The following XKR4 variants were observed in gnomAD, a reference collection of about 807,000 sequenced individuals.
The protein encoded by XKR4 is XK-related protein 4.
Under a neutral mutation model 53.9 loss-of-function variants are expected in XKR4, and 12 were observed. That is an observed-to-expected ratio of 0.22 (90% CI 0.14 to 0.36). The LOEUF is 0.36. Ranked by LOEUF, XKR4 falls within the 10% of genes least tolerant of loss-of-function variation. XKR4 has a pLI of 1.00. For missense variants in XKR4, 799 were observed against 859.5 expected (o/e 0.93, Z 0.88); for synonymous variants, 354 against 362.4 (o/e 0.98, Z 0.26).
At chr8:55,260,602 T>C (rs980492570) in intron 1 of XKR4, among the ~76,000 whole-genome samples, 1 of 152,154 alleles carries the variant, frequency 6.6e-6, no homozygotes, top group Non-Finnish European at 1.5e-5. Context: ...GAGAGGGGCC[T>C]GCAAGTGGGT....
intron 1 of XKR4, among the ~76,000 whole-genome samples, chr8:55,271,967 G>A (rs1271022081): frequency 6.6e-6 from 1 of 152,156 alleles, no homozygotes; most frequent in Non-Finnish European, 1.5e-5. Flanking sequence ...TCAAAATTCT[G>A]TTTTTTATAT....
intron 2 of XKR4, among the ~76,000 whole-genome samples, chr8:55,371,733 A>G (rs1804072483): frequency 6.6e-6 from 1 of 152,210 alleles, no homozygotes; most frequent in South Asian, 2.1e-4. Flanking sequence ...TTTATTTCAC[A>G]TTCAGTAGTC....
intron 2 of XKR4, among the ~76,000 whole-genome samples, chr8:55,508,701 C>A (rs1322658028): frequency 6.6e-6 from 1 of 152,248 alleles, no homozygotes; most frequent in Non-Finnish European, 1.5e-5. Flanking sequence ...TGAGCATTCC[C>A]AGGGGCTAGT....
chr8:55,166,504 G>A (rs1052754929), intron 1 of XKR4, among the ~76,000 whole-genome samples: 1 of 152,214 alleles, frequency 6.6e-6, no homozygotes, highest in Non-Finnish European at 1.5e-5. Flanking sequence ...ATAGACAAAA[G>A]TGTCTGCCTT....
chr8:55,527,637 A>G lies in XKR4; in HGVS notation c.*3410A>G, dbSNP rs1186263400. The G allele has an allele frequency of 6.6e-6, 1 of 152,192 alleles. No homozygotes were observed. Among genetic ancestry groups the G allele is most frequent in the East Asian group, 1.9e-4 (1 of 5,202 alleles). The allele number at this position is 152,192 out of a possible 1,614,324, so 9.4% of individuals were successfully genotyped here. On this transcript the variant is annotated 3_prime_UTR_variant, in exon 3 of 3. Transcript: ENST00000327381. ...TCCTTTAAATCCTCTTTGCTTATTT[A>G]CTTAACTACATACTGTCTAGTTCAA...
chr8:55,189,860 A>G (rs1457073425), intron 1 of XKR4, among the ~76,000 whole-genome samples: 1 of 152,198 alleles, frequency 6.6e-6, no homozygotes, highest in African/African-American at 2.4e-5. Context: ...AGGGAATTAG[A>G]AAGAGGTGTT....
intron 2 of XKR4, among the ~76,000 whole-genome samples, chr8:55,468,986 G>A (rs1481298239): frequency 1.3e-5 from 2 of 151,900 alleles, no homozygotes; most frequent in African/African-American, 2.4e-5. Context: ...GAACTACTTG[G>A]TTTCCATATT....
chr8:55,514,290 CTT>C (rs2129404957), intron 2 of XKR4, among the ~76,000 whole-genome samples: 1 of 133,610 alleles, frequency 7.5e-6, no homozygotes, highest in African/African-American at 2.8e-5. Flanking sequence ...CTCACTCACT[CTT>C]GTCACCCAGG....
chr8:55,464,818 C>A (rs1321974795), intron 2 of XKR4, among the ~76,000 whole-genome samples: 3 of 152,148 alleles, frequency 2.0e-5, no homozygotes, highest in East Asian at 3.8e-4. Flanking sequence ...GTACAAAAAT[C>A]AAAAGCATTC....
At chr8:55,292,275 C>T (rs1819033123) in intron 1 of XKR4, among the ~76,000 whole-genome samples, 1 of 152,026 alleles carries the variant, frequency 6.6e-6, no homozygotes, top group Admixed American at 6.5e-5. Context: ...CCAATAAAAC[C>T]ATTTAGACCT....
At chr8:55,184,994 C>G (rs562669647) in intron 1 of XKR4, among the ~76,000 whole-genome samples, 2 of 152,140 alleles carry the variant, frequency 1.3e-5, no homozygotes, top group African/African-American at 2.4e-5. Flanking sequence ...TCATTAATTA[C>G]AGTTCGTCTA....
chr8:55,238,371 C>T (rs1818163396), intron 1 of XKR4, among the ~76,000 whole-genome samples: 1 of 152,138 alleles, frequency 6.6e-6, no homozygotes, highest in Admixed American at 6.6e-5. Context: ...AGGTGTTCAT[C>T]CTTATCCTCT....
intron 2 of XKR4, among the ~76,000 whole-genome samples, chr8:55,487,209 G>A (rs1286900448): frequency 2.0e-5 from 3 of 152,158 alleles, no homozygotes; most frequent in East Asian, 1.9e-4. Flanking sequence ...GTAAGTCTTA[G>A]AGTCTGAAGG....
intron 1 of XKR4, among the ~76,000 whole-genome samples, chr8:55,316,118 A>T (rs1819470482): frequency 6.6e-6 from 1 of 152,206 alleles, no homozygotes; most frequent in Non-Finnish European, 1.5e-5. Flanking sequence ...CTAATTTCAG[A>T]TGAACCCATT....
chr8:55,306,255 T>C (rs1053508119), intron 1 of XKR4, among the ~76,000 whole-genome samples: 1 of 152,224 alleles, frequency 6.6e-6, no homozygotes, highest in Non-Finnish European at 1.5e-5. Context: ...TGAAGCTTCA[T>C]TGTACTTTGC....
At chr8:55,488,206 A>T (rs1806222812) in intron 2 of XKR4, among the ~76,000 whole-genome samples, 1 of 152,230 alleles carries the variant, frequency 6.6e-6, no homozygotes, top group Non-Finnish European at 1.5e-5. Context: ...AAATACTGAC[A>T]CCACCAAATA....
chr8:55,421,525 ATC>A (rs71256537), intron 2 of XKR4, among the ~76,000 whole-genome samples: 435 of 147,776 alleles, frequency 2.9e-3, no homozygotes, highest in Middle Eastern at 0.01. Flanking sequence ...GCACCTTGGC[ATC>A]TCTCTCTCTC....
intron 1 of XKR4, among the ~76,000 whole-genome samples, chr8:55,300,983 A>AT (rs1262852709): frequency 2.6e-5 from 4 of 151,948 alleles, no homozygotes; most frequent in African/African-American, 4.8e-5. Context: ...CAGACACTTT[A>AT]TTTTTTTATT....
intron 1 of XKR4, among the ~76,000 whole-genome samples, chr8:55,302,630 A>G (rs1430865706): frequency 7.2e-5 from 11 of 152,206 alleles, no homozygotes; most frequent in African/African-American, 2.4e-4. Flanking sequence ...ACCCATGAGC[A>G]TGGAATGTTC....
Sources: gnomAD v4.1 joint callset for allele counts (sites outside exome capture counted in the v4.1 genomes callset) on GRCh38, gnomAD v4.1.1 for gene constraint, MANE v1.5 for transcripts, NCBI Gene and HGNC (gene_info 2026-07-23, HGNC 2026-07-21) for gene names.